The following DGCR2 variants were observed in gnomAD, a reference collection of about 807,000 sequenced individuals.
DGCR2 encodes the protein integral membrane protein DGCR2/IDD.
Under a neutral mutation model 51.6 loss-of-function variants are expected in DGCR2, and 24 were observed. That is an observed-to-expected ratio of 0.47 (90% CI 0.34 to 0.65). The LOEUF (loss-of-function observed/expected upper bound fraction) is 0.65. Among genes scored for constraint, DGCR2 ranks in the 30% least tolerant of loss-of-function variants. The pLI is 0.01. For missense variants in DGCR2, 765 were observed against 772.1 expected, an observed-to-expected ratio of 0.99 and a Z score of 0.11; for synonymous variants, 340 against 315.4, an observed-to-expected ratio of 1.08 and a Z score of -0.82.
At chr22:19,071,926 G>A (rs948596583) in intron 2 of DGCR2, among the ~76,000 whole-genome samples, 6 of 152,258 alleles carry the variant, frequency 3.9e-5, no homozygotes, top group Middle Eastern at 3.4e-3. Context: ...AGGTGAACCC[G>A]GGTAAAGGTG....
At chr22:19,041,645 C>T (rs888308570) in intron 8 of DGCR2, 162 bp downstream of exon 8, 2 of 869,668 alleles carry the variant, frequency 2.3e-6, no homozygotes, top group African/African-American at 3.4e-5. Context: ...AGGGTCTTGG[C>T]AAGAACTTTC....
chr22:19,089,983 A>C (rs2083060749), intron 1 of DGCR2, among the ~76,000 whole-genome samples: 1 of 152,250 alleles, frequency 6.6e-6, no homozygotes, highest in Admixed American at 6.5e-5. Flanking sequence ...AGCTGCAGAA[A>C]AGACTATATG....
intron 1 of DGCR2, 76 bp downstream of exon 1, chr22:19,122,052 G>A (rs1470588103): frequency 6.9e-6 from 8 of 1,165,978 alleles, no homozygotes; most frequent in South Asian, 4.4e-5. Flanking sequence ...GGGCGCCGCG[G>A]GTGAAAGGAG....
intron 1 of DGCR2, among the ~76,000 whole-genome samples, chr22:19,091,931 G>A (rs897652181): frequency 7.2e-5 from 11 of 151,932 alleles, no homozygotes; most frequent in Admixed American, 6.6e-5. Context: ...AAAGATGAGA[G>A]TGGACATTAC....
intron 1 of DGCR2, among the ~76,000 whole-genome samples, chr22:19,119,403 C>T (rs2083407380): frequency 6.6e-6 from 1 of 152,014 alleles, no homozygotes; most frequent in South Asian, 2.1e-4. Flanking sequence ...GAACAGTGTC[C>T]GGCACATGAC....
chr22:19,095,413 G>A (rs1308631123), intron 1 of DGCR2, among the ~76,000 whole-genome samples: 2 of 152,094 alleles, frequency 1.3e-5, no homozygotes, highest in Non-Finnish European at 2.9e-5. Flanking sequence ...TGTAATCCCA[G>A]CACTTTGGGA....
chr22:19,105,772 A>G (rs1207881556), intron 1 of DGCR2, among the ~76,000 whole-genome samples: 1 of 152,184 alleles, frequency 6.6e-6, no homozygotes, highest in African/African-American at 2.4e-5. Context: ...CTGGCATTCC[A>G]AACAGTGCAC....
At chr22:19,096,840 G>A (rs904036327) in intron 1 of DGCR2, among the ~76,000 whole-genome samples, 23 of 149,440 alleles carry the variant, frequency 1.5e-4, no homozygotes, top group Admixed American at 1.4e-3. Flanking sequence ...ACAGGCCTGA[G>A]CTACCCCGCC....
chr22:19,102,471 G>A (rs1002293312), intron 1 of DGCR2, among the ~76,000 whole-genome samples: 6 of 152,204 alleles, frequency 3.9e-5, no homozygotes, highest in African/African-American at 1.4e-4. Flanking sequence ...GGGAGGCTGA[G>A]GTGGGTGGAT....
chr22:19,048,125 G>GT (rs538484169), intron 7 of DGCR2: 344 of 419,764 alleles, frequency 8.2e-4, no homozygotes, highest in African/African-American at 6.1e-3. Flanking sequence ...CCCTGGAGGC[G>GT]TAAGTTTGAA....
At chr22:19,109,600 T>C (rs764301175) in intron 1 of DGCR2, among the ~76,000 whole-genome samples, 194 of 152,242 alleles carry the variant, frequency 1.3e-3, no homozygotes, top group Middle Eastern at 3.4e-3. Context: ...AGTAGGACGG[T>C]GGTTGCCAGG....
At position 19,060,277 on chromosome 22, in the gene DGCR2, C is replaced by G. The variant is rs1308503445; in HGVS notation, c.625+2925G>C. On this transcript the variant is annotated intron_variant, in intron 5 of 9. Coordinates refer to ENST00000263196, the MANE Select transcript of DGCR2 (RefSeq NM_005137.3). ...CAGGACCACAGCCCTGACTGCTGGC[C>G]TCAGCGGGCAACACCATACAATCCC... 7.4e-4 allele frequency among the ~76,000 whole-genome samples: 112 copies of G among 152,224 alleles called. 2 individuals are homozygous for G. Among genetic ancestry groups the G allele is most frequent in the Non-Finnish European group, 1.3e-4 (9 of 68,052 alleles).
At chr22:19,056,031 C>G (rs1569046058) in intron 6 of DGCR2, 1 of 153,362 alleles carries the variant, frequency 6.5e-6, no homozygotes, top group Non-Finnish European at 1.5e-5. Context: ...TATGAGGGGA[C>G]CACCGTCGGG....
chr22:19,107,603 G>A (rs774996910), intron 1 of DGCR2, among the ~76,000 whole-genome samples: 9 of 152,162 alleles, frequency 5.9e-5, no homozygotes, highest in African/African-American at 9.7e-5. Flanking sequence ...GAAAAGAAGG[G>A]AAGGTCCTAA....
At chr22:19,121,776 G>GTTTC (rs1569096505) in intron 1 of DGCR2, 8 of 178,328 alleles carry the variant, frequency 4.5e-5, no homozygotes, top group African/African-American at 1.9e-4. Context: ...CTGCTGGGAG[G>GTTTC]ACGTCTGTGA....
chr22:19,100,070 T>G (rs1032980580), intron 1 of DGCR2, among the ~76,000 whole-genome samples: 10 of 151,840 alleles, frequency 6.6e-5, no homozygotes, highest in African/African-American at 2.4e-4. Flanking sequence ...GGCTAGGAGT[T>G]TGAGACCAGC....
intron 2 of DGCR2, among the ~76,000 whole-genome samples, chr22:19,077,394 T>C (rs1172649766): frequency 1.3e-5 from 2 of 152,230 alleles, no homozygotes; most frequent in African/African-American, 2.4e-5. Flanking sequence ...TTTATTCTTT[T>C]GATTTGTATG....
chr22:19,087,812 G>C (rs751907178), intron 2 of DGCR2, among the ~76,000 whole-genome samples: 19 of 151,828 alleles, frequency 1.3e-4, no homozygotes, highest in Non-Finnish European at 2.5e-4. Context: ...AGCCTCCTGA[G>C]TAGCTGGGAT....
At chr22:19,090,573 C>G (rs772639726) in intron 1 of DGCR2, among the ~76,000 whole-genome samples, 2 of 152,164 alleles carry the variant, frequency 1.3e-5, no homozygotes, top group Non-Finnish European at 2.9e-5. Context: ...AGCAAACACA[C>G]AGATACTGTA....
Sources: allele counts gnomAD v4.1 joint callset (sites outside exome capture counted in the v4.1 genomes callset), GRCh38; gene constraint gnomAD v4.1.1; transcripts MANE v1.5; gene names NCBI Gene and HGNC (gene_info 2026-07-23, HGNC 2026-07-21).